ACVR1C: variants seen among roughly 807,000 people sequenced by gnomAD.
The protein encoded by ACVR1C is activin receptor type-1C.
A neutral mutation model predicts 57.9 loss-of-function variants in ACVR1C; 23 were observed. That is an observed-to-expected ratio of 0.40 (90% CI 0.29 to 0.56). The LOEUF (loss-of-function observed/expected upper bound fraction) is 0.56. Ranked by LOEUF, ACVR1C falls within the 20% of genes least tolerant of loss-of-function variation. ACVR1C has a pLI of 0.50. For missense variants in ACVR1C, 480 were observed against 607.9 expected (o/e 0.79, Z 2.21); for synonymous variants, 214 against 215.3 (o/e 0.99, Z 0.05).
At chr2:157,614,764 C>A (rs531585475) in intron 1 of ACVR1C, among the ~76,000 whole-genome samples, 54 of 152,130 alleles carry the variant, frequency 3.5e-4, no homozygotes, top group African/African-American at 1.2e-3. Context: ...AGCATCTTAT[C>A]TTTTGACGTC....
At chr2:157,613,505 C>A (rs1010943396) in intron 1 of ACVR1C, among the ~76,000 whole-genome samples, 1 of 151,992 alleles carries the variant, frequency 6.6e-6, no homozygotes, top group African/African-American at 2.4e-5. Context: ...GATGTGAAAC[C>A]CACAGATATG....
chr2:157,563,717 T>C (rs1029390861), intron 2 of ACVR1C, among the ~76,000 whole-genome samples: 1 of 152,216 alleles, frequency 6.6e-6, no homozygotes. Flanking sequence ...CTTCAAACTA[T>C]ACTGCAAGGC....
intron 2 of ACVR1C, among the ~76,000 whole-genome samples, chr2:157,572,309 A>C (rs959766969): frequency 8.8e-5 from 13 of 148,114 alleles, no homozygotes; most frequent in Admixed American, 2.0e-4. Context: ...TGGCACATGT[A>C]TACATATGTA....
chr2:157,624,735 T>C (rs1021093409), intron 1 of ACVR1C, among the ~76,000 whole-genome samples: 2 of 152,160 alleles, frequency 1.3e-5, no homozygotes, highest in Non-Finnish European at 2.9e-5. Context: ...GTTTTAGAGC[T>C]GAGGACTAGA....
In ACVR1C at chr2:157,553,205, A is replaced by G. The variant is rs1260191368; in HGVS notation, c.545-2813T>C. ...CCCCCTCCTCCAATCCCCTCCCTAC[A>G]GGTGAGCTTTTATGACTGAAGCCTC... On this transcript the variant is annotated intron_variant, in intron 3 of 8. Coordinates refer to ENST00000243349, the MANE Select transcript of ACVR1C (RefSeq NM_145259.3). Among the ~76,000 whole-genome samples the G allele has an allele frequency of 2.0e-5, 3 of 152,296 alleles. No homozygotes were observed. In the South Asian group the frequency reaches 6.2e-4, roughly 32 times the overall value.
chr2:157,598,979 G>A (rs191023518), intron 1 of ACVR1C, among the ~76,000 whole-genome samples: 2 of 152,114 alleles, frequency 1.3e-5, no homozygotes, highest in Admixed American at 1.3e-4. Flanking sequence ...GTTGTCTCAA[G>A]TGGAAGGGGC....
intron 1 of ACVR1C, among the ~76,000 whole-genome samples, chr2:157,606,055 C>G (rs1292723948): frequency 6.6e-6 from 1 of 151,610 alleles, no homozygotes; most frequent in Non-Finnish European, 1.5e-5. Context: ...CATATGGTAT[C>G]TGTCTTTCTG....
intron 3 of ACVR1C, among the ~76,000 whole-genome samples, chr2:157,552,215 C>T (rs964897082): frequency 3.3e-5 from 5 of 152,172 alleles, no homozygotes; most frequent in Non-Finnish European, 7.3e-5. Context: ...TCACTACTAT[C>T]TCCACCTCCC....
intron 2 of ACVR1C, among the ~76,000 whole-genome samples, chr2:157,562,017 C>T (rs1403256453): frequency 6.6e-6 from 1 of 152,140 alleles, no homozygotes; most frequent in African/African-American, 2.4e-5. Context: ...ATGGAGAAGG[C>T]TGGGTGCGGT....
At chr2:157,587,075 T>C in intron 2 of ACVR1C, 112 bp downstream of exon 2, 1 of 1,022,138 alleles carries the variant, frequency 9.8e-7, no homozygotes. Context: ...AAAAGAGAAC[T>C]GTAAAACAGA....
At position 157,529,035 on chromosome 2, in the gene ACVR1C, T is replaced by C. The variant is rs959645886; in HGVS notation, c.*4883A>G. On this transcript the variant is annotated 3_prime_UTR_variant, in exon 9 of 9. Coordinates refer to ENST00000243349, the MANE Select transcript of ACVR1C (RefSeq NM_145259.3). The stretch of plus-strand genomic sequence containing the variant: ...TTTTAATGCACTAAAAGAAGATGAA[T>C]GCCAAAGACAAACTAATGAGAAACT... 4.0e-5 allele frequency: 6 copies of C among 151,718 alleles called. No homozygotes were observed. The highest frequency in any genetic ancestry group is 1.5e-4 in the African/African-American group (6 of 41,284). The allele number at this position is 151,718 out of a possible 1,614,324, so 9.4% of individuals were successfully genotyped here.
intron 1 of ACVR1C, among the ~76,000 whole-genome samples, chr2:157,609,702 A>G (rs917795255): frequency 9.9e-5 from 15 of 152,026 alleles, no homozygotes; most frequent in African/African-American, 3.6e-4. Context: ...TTAAAATTAT[A>G]TAATAACATT....
intron 1 of ACVR1C, among the ~76,000 whole-genome samples, chr2:157,616,955 G>C (rs779239212): frequency 1.3e-5 from 2 of 151,838 alleles, no homozygotes; most frequent in Admixed American, 1.3e-4. Flanking sequence ...TAGCAAGAGG[G>C]TAGGCTACCA....
At position 157,538,345 on chromosome 2, in the gene ACVR1C, T is replaced by C. The variant is rs751625348; in HGVS notation, c.1356+228A>G. On this transcript the variant is annotated intron_variant, in intron 8 of 8. Transcript: ENST00000243349. ...CAGAGCAGTTTGTGTAAGCAAGAAA[T>C]AAAGTCTTGTGGAAAGTCACTGAGA... Among the ~76,000 whole-genome samples the C allele has an allele frequency of 7.9e-5, 12 of 152,120 alleles. 1 individual carries two copies. Among genetic ancestry groups the C allele is most frequent in the Non-Finnish European group, 1.6e-4 (11 of 68,040 alleles).
At chr2:157,534,913 T>C (rs999315349) in intron 8 of ACVR1C, among the ~76,000 whole-genome samples, 8 of 152,096 alleles carry the variant, frequency 5.3e-5, no homozygotes, top group Admixed American at 6.6e-5. Context: ...TCTAGCACTT[T>C]GGTAGGCCGA....
rs527920243 is a variant in ACVR1C, at chr2:157,530,934, A to G, written c.*2984T>C. The G allele has an allele frequency of 6.6e-6, 1 of 152,218 alleles. No homozygotes were observed. Among genetic ancestry groups the G allele is most frequent in the South Asian group, 2.1e-4 (1 of 4,828 alleles). 9.4% of individuals were successfully genotyped at this position (152,218 alleles called of 1,614,324 possible). ...TCTTATTTTCAGAAAGTGATGCTGC[A>G]TTTAAATCCCATCACCACTTTATAC... On this transcript the variant is annotated 3_prime_UTR_variant, in exon 9 of 9. Coordinates refer to ENST00000243349, the MANE Select transcript of ACVR1C (RefSeq NM_145259.3).
intron 1 of ACVR1C, among the ~76,000 whole-genome samples, chr2:157,588,600 C>A (rs1349818514): frequency 2.1e-4 from 31 of 148,834 alleles, no homozygotes; most frequent in African/African-American, 7.7e-4. Context: ...CACCCTCCCC[C>A]ACCTCCTGAG....
rs919064841 is a variant in ACVR1C at position 157,587,703 on chromosome 2, T to C, written c.74-286A>G. Among the ~76,000 whole-genome samples the C allele has an allele frequency of 3.3e-5, 5 of 151,990 alleles. No individual in the cohort carries two copies. The South Asian group carries it at 8.3e-4, about 25-fold the overall frequency. On this transcript the variant is annotated intron_variant, in intron 1 of 8. Coordinates refer to ENST00000243349, the MANE Select transcript of ACVR1C (RefSeq NM_145259.3). The stretch of plus-strand genomic sequence containing the variant: ...TGCTCTAAATACCCCCATATTAAGT[T>C]CAACCAGCTCATTCCTAAATCAATA...
chr2:157,567,114 C>T (rs1336143227), intron 2 of ACVR1C, among the ~76,000 whole-genome samples: 1 of 91,204 alleles, frequency 1.1e-5, no homozygotes, highest in Non-Finnish European at 2.2e-5. Flanking sequence ...ACACTGACAC[C>T]TCACACGGCA....
Sources: gnomAD v4.1 joint callset for allele counts (sites outside exome capture counted in the v4.1 genomes callset) on GRCh38, gnomAD v4.1.1 for gene constraint, MANE v1.5 for transcripts, NCBI Gene and HGNC (gene_info 2026-07-23, HGNC 2026-07-21) for gene names.